ABCB11: variants seen among roughly 807,000 people sequenced by gnomAD.
ABCB11 encodes the protein bile salt export pump.
ABCB11 carries 95 observed loss-of-function variants against 148.0 expected under a neutral mutation model. The observed-to-expected ratio is 0.64, with a 90% CI of 0.54 to 0.76. The LOEUF (loss-of-function observed/expected upper bound fraction) is 0.76. Among genes scored for constraint, ABCB11 ranks in the 30% least tolerant of loss-of-function variants. The pLI is 0.00. For missense variants in ABCB11, 1,523 were observed against 1,617.8 expected (o/e 0.94, Z 1.01); for synonymous variants, 591 against 555.4 (o/e 1.06, Z -0.90).
intron 8 of ABCB11, among the ~76,000 whole-genome samples, chr2:168,991,182 C>T (rs1029812141): frequency 6.6e-6 from 1 of 152,082 alleles, no homozygotes; most frequent in African/African-American, 2.4e-5. Flanking sequence ...CCAAATAGGA[C>T]ATTCTGTAAG....
At chr2:169,015,410 C>A (rs138777077) in intron 3 of ABCB11, among the ~76,000 whole-genome samples, 1 of 152,140 alleles carries the variant, frequency 6.6e-6, no homozygotes, top group Non-Finnish European at 1.5e-5. Flanking sequence ...AGACTCCCCA[C>A]GGTCTGGCCC....
intron 26 of ABCB11, among the ~76,000 whole-genome samples, chr2:168,925,968 T>C (rs979119257): frequency 6.6e-6 from 1 of 152,200 alleles, no homozygotes; most frequent in African/African-American, 2.4e-5. Flanking sequence ...CATGTGCTTA[T>C]AGATTGGGCT....
In ABCB11 at chr2:168,935,230, C is replaced by T. The variant is rs761177506; in HGVS notation, c.3010G>A (p.Gly1004Ser). 1.2e-6 allele frequency: 2 copies of T among 1,614,008 alleles called. No homozygotes were observed. The highest frequency in any genetic ancestry group is 1.1e-5 in the South Asian group (1 of 91,074). ...AGCCCCTCATTGGAGATTAAGTAAC[C>T]TCCATATCTGTAGGAAGCAGAATTC... ...IANSASYRYGGYLISNEGLHF... is the reference protein window; with the variant it reads ...IANSASYRYGSYLISNEGLHF... The change falls in exon 23 of 28, where the codon GGT becomes AGT. Residue 1004 changes from glycine to serine, a missense_variant. Gly to Ser is a moderately conservative substitution (Grantham distance 56). Coordinates refer to ENST00000650372, the MANE Select transcript of ABCB11 (RefSeq NM_003742.4).
intron 6 of ABCB11, 27 bp downstream of exon 6, chr2:168,996,608 T>C: frequency 7.4e-7 from 1 of 1,348,470 alleles, no homozygotes; most frequent in South Asian, 1.6e-5. Flanking sequence ...GATATTGATC[T>C]ATAAATTATA....
At chr2:168,942,291 C>A (rs940413367) in intron 21 of ABCB11, among the ~76,000 whole-genome samples, 1 of 151,610 alleles carries the variant, frequency 6.6e-6, no homozygotes, top group African/African-American at 2.4e-5. Context: ...TTAGTATCCC[C>A]ACAATAGCAA....
chr2:169,003,756 T>C (rs1370854437), intron 5 of ABCB11, among the ~76,000 whole-genome samples: 1 of 152,162 alleles, frequency 6.6e-6, no homozygotes, highest in Non-Finnish European at 1.5e-5. Context: ...CCAACATCTA[T>C]TCTTTTTTGA....
downstream of ABCB11, among the ~76,000 whole-genome samples, chr2:168,920,092 C>G (rs984110548): frequency 6.6e-5 from 10 of 152,086 alleles, no homozygotes; most frequent in African/African-American, 2.4e-4. Context: ...TCTTGTACTC[C>G]TGGGCTCAAG....
intron 19 of ABCB11, among the ~76,000 whole-genome samples, chr2:168,951,918 A>G (rs185390028): frequency 6.6e-6 from 1 of 151,754 alleles, no homozygotes; most frequent in East Asian, 1.9e-4. Flanking sequence ...TGTTCCTTCT[A>G]TGCCTAGTTT....
intron 12 of ABCB11, among the ~76,000 whole-genome samples, chr2:168,976,213 C>T (rs552482582): frequency 3.3e-5 from 5 of 152,216 alleles, no homozygotes; most frequent in African/African-American, 1.2e-4. Flanking sequence ...TCTGCAGTCT[C>T]TGCGAAGGTT....
intron 21 of ABCB11, among the ~76,000 whole-genome samples, chr2:168,936,642 T>C (rs1169178850): frequency 6.6e-6 from 1 of 152,186 alleles, no homozygotes; most frequent in African/African-American, 2.4e-5. Flanking sequence ...TTTAAAATCA[T>C]GTCCAACAAA....
intron 5 of ABCB11, among the ~76,000 whole-genome samples, chr2:169,011,753 C>T (rs1695195702): frequency 6.6e-6 from 1 of 152,072 alleles, no homozygotes; most frequent in African/African-American, 2.4e-5. Flanking sequence ...CCACAAACAC[C>T]CAGACCCAAG....
rs550671074 is a variant in ABCB11 at position 168,966,519 on chromosome 2, G to A, written c.2075+1908C>T. ...CCCTTTTCAGAAACTGACAACATCT[G>A]TCTCTCCCCTTCTCTGAAGCTGTGT... On this transcript the variant is annotated intron_variant, in intron 17 of 27. Transcript: ENST00000650372. Among the ~76,000 whole-genome samples the A allele has an allele frequency of 3.7e-4, 56 of 151,880 alleles. 3 individuals carry two copies. In the South Asian group the frequency reaches 3.7e-3, roughly 10 times the overall value.
chr2:168,969,532 A>T lies in ABCB11; in HGVS notation c.1829T>A (p.Ile610Asn), dbSNP rs765999088. The change falls in exon 16 of 28, where the codon ATC (isoleucine) becomes AAC (asparagine). Residue 610 changes from isoleucine to asparagine, a missense_variant. Ile to Asn is a moderately radical substitution (Grantham distance 149, BLOSUM62 -3). Coordinates refer to ENST00000650372, the MANE Select transcript of ABCB11 (RefSeq NM_003742.4). ...AGACAAGCGATGAGCAACTGAAATG[A>T]TTGTGTGCCCATGCTGAATCTGTAA... ...VLSKIQHGHT[I>N]ISVAHRLSTV... is the part of the protein sequence containing the mutation. The T allele has an allele frequency of 6.2e-7, 1 of 1,612,350 alleles. No individual in the cohort carries two copies. The highest frequency in any genetic ancestry group is 1.3e-5 in the African/African-American group (1 of 74,932).
intron 12 of ABCB11, among the ~76,000 whole-genome samples, chr2:168,975,280 TG>T: frequency 2.7e-5 from 2 of 73,790 alleles, no homozygotes; most frequent in African/African-American, 1.4e-4. Flanking sequence ...GATAAATATA[TG>T]AATATTTAAA....
At chr2:169,004,611 C>G in intron 5 of ABCB11, among the ~76,000 whole-genome samples, 1 of 152,050 alleles carries the variant, frequency 6.6e-6, no homozygotes, top group East Asian at 1.9e-4. Flanking sequence ...TTGGACTTAA[C>G]CTTTCTCTGG....
chr2:168,975,067 A>G (rs1447978067), intron 12 of ABCB11, among the ~76,000 whole-genome samples: 1 of 138,304 alleles, frequency 7.2e-6, no homozygotes, highest in Non-Finnish European at 1.5e-5. Context: ...TAAAATATAG[A>G]TAAATATATA....
chr2:168,998,084 T>A (rs2106018914), intron 5 of ABCB11, among the ~76,000 whole-genome samples: 1 of 152,128 alleles, frequency 6.6e-6, no homozygotes, highest in African/African-American at 2.4e-5. Flanking sequence ...ATCATAAACT[T>A]ATCGATGAAT....
intron 19 of ABCB11, among the ~76,000 whole-genome samples, chr2:168,950,562 G>T (rs886832947): frequency 5.9e-5 from 9 of 151,542 alleles, no homozygotes; most frequent in African/African-American, 2.2e-4. Flanking sequence ...TTTAATGTTT[G>T]TTGGCTGCTT....
At chr2:168,976,543 C>A in intron 12 of ABCB11, 34 bp downstream of exon 12, 1 of 1,248,884 alleles carries the variant, frequency 8.0e-7, no homozygotes, top group Admixed American at 2.2e-5. Flanking sequence ...AAGAAGAAAA[C>A]ATTTACTATT....
Sources: gnomAD v4.1 joint callset for allele counts (sites outside exome capture counted in the v4.1 genomes callset) on GRCh38, gnomAD v4.1.1 for gene constraint, MANE v1.5 for transcripts, NCBI Gene and HGNC (gene_info 2026-07-23, HGNC 2026-07-21) for gene names.